ROBO1: variants seen among roughly 807,000 people sequenced by gnomAD.
ROBO1 encodes roundabout guidance receptor 1, also known as roundabout homolog 1.
A neutral mutation model predicts 195.9 loss-of-function variants in ROBO1; 149 were observed. That is an observed-to-expected ratio of 0.76 (90% CI 0.67 to 0.87). The LOEUF (loss-of-function observed/expected upper bound fraction) is 0.87. Among genes scored for constraint, ROBO1 ranks in the 40% least tolerant of loss-of-function variants. The pLI, the probability that ROBO1 is intolerant of heterozygous loss-of-function variation, is 0.00. For missense variants in ROBO1, 1,933 were observed against 2,068.3 expected, an observed-to-expected ratio of 0.93 and a Z score of 1.27; for synonymous variants, 816 against 733.2, an observed-to-expected ratio of 1.11 and a Z score of -1.82.
At chr3:79,174,297 C>T (rs1391622787) in intron 2 of ROBO1, among the ~76,000 whole-genome samples, 1 of 152,042 alleles carries the variant, frequency 6.6e-6, no homozygotes, top group Non-Finnish European at 1.5e-5. Context: ...GACGAAGGAA[C>T]AACTCCAGAC....
chr3:78,750,055 T>C (rs2082749896), intron 4 of ROBO1, among the ~76,000 whole-genome samples: 1 of 152,186 alleles, frequency 6.6e-6, no homozygotes, highest in African/African-American at 2.4e-5. Flanking sequence ...TATAGTTAGG[T>C]ACATATAATT....
chr3:79,573,957 A>G (rs990304414), intron 2 of ROBO1, among the ~76,000 whole-genome samples: 4 of 152,076 alleles, frequency 2.6e-5, no homozygotes, highest in African/African-American at 9.7e-5. Context: ...TGTATATATT[A>G]CCTACGATCA....
chr3:78,820,575 GATTTT>G (rs2030792227), intron 4 of ROBO1, among the ~76,000 whole-genome samples: 1 of 152,166 alleles, frequency 6.6e-6, no homozygotes, highest in Non-Finnish European at 1.5e-5. Flanking sequence ...TATTAATTGA[GATTTT>G]ATTTAATCAA....
chr3:79,134,810 T>G (rs2108594589), intron 2 of ROBO1, among the ~76,000 whole-genome samples: 1 of 97,496 alleles, frequency 1.0e-5, no homozygotes, highest in South Asian at 4.8e-4. Flanking sequence ...ACACCGCATA[T>G]TCTCACTCAT....
At chr3:79,761,769 C>A (rs1704713196) in intron 1 of ROBO1, among the ~76,000 whole-genome samples, 1 of 152,088 alleles carries the variant, frequency 6.6e-6, no homozygotes, top group South Asian at 2.1e-4. Flanking sequence ...TGGGAAGACA[C>A]AAAATAAGAT....
intron 1 of ROBO1, among the ~76,000 whole-genome samples, chr3:79,691,513 A>G (rs1034541243): frequency 2.6e-5 from 4 of 151,674 alleles, no homozygotes; most frequent in Middle Eastern, 3.2e-3. Flanking sequence ...AGCATTGAAC[A>G]ATGCATTACT....
chr3:79,535,469 A>G (rs998887685), intron 2 of ROBO1, among the ~76,000 whole-genome samples: 3 of 152,138 alleles, frequency 2.0e-5, no homozygotes, highest in African/African-American at 7.2e-5. Context: ...AGTAATGAAA[A>G]TGTGGTAGGC....
At chr3:78,799,579 G>A (rs1384279787) in intron 4 of ROBO1, among the ~76,000 whole-genome samples, 1 of 152,014 alleles carries the variant, frequency 6.6e-6, no homozygotes, top group East Asian at 1.9e-4. Flanking sequence ...CTGACCTCGT[G>A]ATCCACCCAC....
intron 4 of ROBO1, among the ~76,000 whole-genome samples, chr3:78,890,930 G>GT (rs910317999): frequency 2.6e-5 from 4 of 151,964 alleles, no homozygotes; most frequent in African/African-American, 7.3e-5. Context: ...CCCAACTAAT[G>GT]TTTTTTTAGA....
chr3:78,646,256 T>C (rs1422211428), intron 20 of ROBO1, 66 bp from the exon 21 acceptor site: 6 of 1,400,180 alleles, frequency 4.3e-6, no homozygotes, highest in Non-Finnish European at 6.0e-6. Flanking sequence ...AGCTATTACA[T>C]TCATGAGCTT....
intron 1 of ROBO1, among the ~76,000 whole-genome samples, chr3:79,767,201 C>T (rs911890790): frequency 2.6e-5 from 4 of 152,178 alleles, no homozygotes; most frequent in Non-Finnish European, 5.9e-5. Flanking sequence ...TTTGGAAGCT[C>T]CCTGCAGCCT....
At chr3:79,409,848 C>T (rs1200917521) in intron 2 of ROBO1, among the ~76,000 whole-genome samples, 2 of 152,126 alleles carry the variant, frequency 1.3e-5, no homozygotes. Flanking sequence ...TGAATTTCTA[C>T]ATTAAGAACA....
Position 79,415,307 on chromosome 3 carries a change from T to C in ROBO1, c.88+174517A>G, listed in dbSNP as rs74993413. Among the ~76,000 whole-genome samples, 1,188 of 152,260 alleles carry C rather than the reference T, an allele frequency of 7.8e-3. 19 individuals are homozygous for C. Among genetic ancestry groups the C allele is most frequent in the African/African-American group, 0.027 (1,129 of 41,558 alleles). ...TAGAAATGGACGCTGTATAATAATA[T>C]CTTACTTTTAAACACATACTTTTAA... On this transcript the variant is annotated intron_variant, in intron 2 of 30. Transcript: ENST00000464233.
At chr3:79,760,623 A>AC (rs1298344027) in intron 1 of ROBO1, among the ~76,000 whole-genome samples, 5 of 151,582 alleles carry the variant, frequency 3.3e-5, no homozygotes, top group African/African-American at 9.7e-5. Flanking sequence ...CAAAAAAAAA[A>AC]AACCTGAATG....
chr3:79,054,316 C>CTGAACTATA (rs775296762), intron 3 of ROBO1, among the ~76,000 whole-genome samples: 4 of 152,104 alleles, frequency 2.6e-5, no homozygotes, highest in African/African-American at 4.8e-5. Flanking sequence ...CAAGGTCATG[C>CTGAACTATA]TGAACTATAC....
At chr3:79,555,866 T>TA (rs1414605138) in intron 2 of ROBO1, among the ~76,000 whole-genome samples, 1 of 152,136 alleles carries the variant, frequency 6.6e-6, no homozygotes, top group Non-Finnish European at 1.5e-5. Context: ...ATGTTAGAGC[T>TA]AATGTACTGG....
chr3:78,881,001 G>A lies in ROBO1; in HGVS notation c.499+57600C>T, dbSNP rs1475776835. 3.3e-5 allele frequency among the ~76,000 whole-genome samples: 5 copies of A among 152,118 alleles called. No homozygotes were observed. The South Asian group carries it at 8.3e-4, about 25-fold the overall frequency. On this transcript the variant is annotated intron_variant, in intron 4 of 30. Transcript: ENST00000464233. Reference sequence around the variant, plus strand: ...CAGACCCTGATAGTTATGGACTAGCGTATTCTCTTTGGATTCTGGAGGCCA... The same window carrying A: ...CAGACCCTGATAGTTATGGACTAGCATATTCTCTTTGGATTCTGGAGGCCA...
At chr3:79,256,739 C>T (rs2082841414) in intron 2 of ROBO1, among the ~76,000 whole-genome samples, 1 of 152,072 alleles carries the variant, frequency 6.6e-6, no homozygotes, top group Admixed American at 6.6e-5. Context: ...AAACTCATGA[C>T]AACCTACTGA....
chr3:79,676,633 C>T (rs1419918856), intron 1 of ROBO1, among the ~76,000 whole-genome samples: 1 of 152,044 alleles, frequency 6.6e-6, no homozygotes, highest in East Asian at 1.9e-4. Flanking sequence ...TGCAACATGG[C>T]CTCTTCCTCC....
Sources: allele counts gnomAD v4.1 joint callset (sites outside exome capture counted in the v4.1 genomes callset), GRCh38; gene constraint gnomAD v4.1.1; transcripts MANE v1.5; gene names NCBI Gene and HGNC (gene_info 2026-07-23, HGNC 2026-07-21).